The following TTC7B variants were observed in gnomAD, a reference collection of about 807,000 sequenced individuals.
TTC7B encodes the protein tetratricopeptide repeat protein 7B.
Under a neutral mutation model 106.8 loss-of-function variants are expected in TTC7B, and 28 were observed. That is an observed-to-expected ratio of 0.26 (90% confidence interval 0.19 to 0.36). TTC7B has a LOEUF of 0.36. TTC7B is among the 10% of genes least tolerant of loss of function. The pLI is 1.00. For missense variants in TTC7B, 862 were observed against 1,076.4 expected, an observed-to-expected ratio of 0.80 and a Z score of 2.79; for synonymous variants, 405 against 430.6, an observed-to-expected ratio of 0.94 and a Z score of 0.74.
Position 90,577,954 on chromosome 14 carries a change from G to T in TTC7B, c.2310+152C>A. ...TTGCATAAACTATGGTAGAAACGGT[G>T]CCCTCTGGCTTCAGGCCATGTGACA... On this transcript the variant is annotated intron_variant, in intron 19 of 19. Transcript: ENST00000328459. This position sits in a 1 kb window ranked among gnomAD's most constrained non-coding sequence, Gnocchi z 5.0. The T allele has an allele frequency of 1.1e-6, 1 of 948,908 alleles. No individual in the cohort carries two copies. The highest frequency in any genetic ancestry group is 1.6e-6 in the Non-Finnish European group (1 of 638,204). The allele number at this position is 948,908 out of a possible 1,614,324, so 58.8% of individuals were successfully genotyped here.
intron 19 of TTC7B, among the ~76,000 whole-genome samples, chr14:90,563,160 A>G (rs1890656895): frequency 6.6e-6 from 1 of 152,172 alleles, no homozygotes; most frequent in Non-Finnish European, 1.5e-5. Flanking sequence ...ATCCCATTTA[A>G]TCCCTCCAAC....
intron 17 of TTC7B, among the ~76,000 whole-genome samples, chr14:90,606,492 A>G (rs992164029): frequency 2.6e-5 from 4 of 152,206 alleles, no homozygotes; most frequent in Admixed American, 6.5e-5. Context: ...CTTACCCCAC[A>G]TCCTGTTTTA....
chr14:90,537,372 A>AGGCG lies in TTC7B; in HGVS notation c.*3995_*3996insCGCC, dbSNP rs1311088772. On this transcript the variant is annotated 3_prime_UTR_variant, in exon 20 of 20. Coordinates refer to ENST00000328459, the MANE Select transcript of TTC7B (RefSeq NM_001010854.2). Reference sequence around the variant, plus strand: ...TGGCTATTTTTTTTTTTTTGTAGAGATGGGGGGGGGGTCTCACCATGTTGC... The same window carrying AGGCG: ...TGGCTATTTTTTTTTTTTTGTAGAGAGGCGTGGGGGGGGGGTCTCACCATGTTGC... 6.4e-5 allele frequency: 2 copies of AGGCG among 31,348 alleles called. No individual in the cohort carries two copies. Among genetic ancestry groups the AGGCG allele is most frequent in the African/African-American group, 1.2e-4 (1 of 8,110 alleles). 1.9% of individuals were successfully genotyped at this position (31,348 alleles called of 1,614,324 possible).
At chr14:90,639,500 C>T (rs1235741446) in intron 15 of TTC7B, among the ~76,000 whole-genome samples, 2 of 152,166 alleles carry the variant, frequency 1.3e-5, no homozygotes, top group Non-Finnish European at 2.9e-5. Context: ...CATCATTAAC[C>T]AGCAACCATT....
At chr14:90,591,951 GAAC>G (rs1318969331) in intron 18 of TTC7B, among the ~76,000 whole-genome samples, 1 of 152,214 alleles carries the variant, frequency 6.6e-6, no homozygotes, top group Non-Finnish European at 1.5e-5. Flanking sequence ...CAGCAGAGAA[GAAC>G]AACTGTGAAT....
At chr14:90,806,470 C>A (rs971837100) in intron 1 of TTC7B, among the ~76,000 whole-genome samples, 1 of 152,234 alleles carries the variant, frequency 6.6e-6, no homozygotes, top group Non-Finnish European at 1.5e-5. Context: ...CCCCCTGCAC[C>A]CTTTGCAAAG....
chr14:90,607,817 A>C (rs760389179), intron 17 of TTC7B, among the ~76,000 whole-genome samples: 2 of 152,234 alleles, frequency 1.3e-5, no homozygotes, highest in Non-Finnish European at 2.9e-5. Flanking sequence ...GCAGGTGCTC[A>C]AAAGCATACA....
chr14:90,799,627 C>T (rs75967437), intron 1 of TTC7B, among the ~76,000 whole-genome samples: 2,330 of 152,114 alleles, frequency 0.015, 24 homozygotes, highest in African/African-American at 0.026. Context: ...CCTGGAAAGG[C>T]CCCGAGGTGT....
At chr14:90,724,179 A>G (rs1290961408) in intron 5 of TTC7B, among the ~76,000 whole-genome samples, 2 of 152,202 alleles carry the variant, frequency 1.3e-5, no homozygotes, top group Non-Finnish European at 2.9e-5. Flanking sequence ...CCCTTCCAGC[A>G]GAGCAGTGCT....
At chr14:90,582,154 A>T (rs1254168437) in intron 18 of TTC7B, among the ~76,000 whole-genome samples, 1 of 152,200 alleles carries the variant, frequency 6.6e-6, no homozygotes, top group Non-Finnish European at 1.5e-5. Flanking sequence ...TTCCAAAGGG[A>T]TCTTACCCCA....
intron 3 of TTC7B, among the ~76,000 whole-genome samples, chr14:90,760,940 C>T (rs1005362280): frequency 6.6e-6 from 1 of 152,224 alleles, no homozygotes; most frequent in South Asian, 2.1e-4. Context: ...TTCAACCAAT[C>T]CAGTATCTTC....
In TTC7B at chr14:90,578,362, C is replaced by A. The variant is rs189049216; in HGVS notation, c.2108-54G>T. The A allele has an allele frequency of 3.2e-6, 5 of 1,553,972 alleles. No homozygotes were observed. The highest frequency in any genetic ancestry group is 1.9e-5 in the Admixed American group (1 of 53,664). On this transcript the variant is annotated intron_variant, in intron 18 of 19. Coordinates refer to ENST00000328459, the MANE Select transcript of TTC7B (RefSeq NM_001010854.2). This position sits in a 1 kb window ranked among gnomAD's most constrained non-coding sequence, Gnocchi z 4.7. ...TTCCTGGTGCCCCTCTGAGGCCCTG[C>A]GAGCAGCCACCACTCTGATGTTCGT...
chr14:90,548,943 C>T lies in TTC7B; in HGVS notation c.2311-7354G>A, dbSNP rs1048486076. On this transcript the variant is annotated intron_variant, in intron 19 of 19. Transcript: ENST00000328459. ...GAGATCGAGACCATCCTGGCTAACA[C>T]GGTGAAACCCTGTCTCTACTAAAAA... Among the ~76,000 whole-genome samples, 8 of 152,040 alleles carry T rather than the reference C, an allele frequency of 5.3e-5. 1 individual carries two copies. The highest frequency in any genetic ancestry group is 4.6e-4 in the Admixed American group (7 of 15,282).
intron 18 of TTC7B, among the ~76,000 whole-genome samples, chr14:90,582,309 C>T (rs373562986): frequency 1.3e-5 from 2 of 152,228 alleles, no homozygotes; most frequent in East Asian, 3.8e-4. Context: ...TGGTTCTTGG[C>T]CCTGCGCCTC....
intron 3 of TTC7B, among the ~76,000 whole-genome samples, chr14:90,750,851 T>G (rs903054169): frequency 1.3e-5 from 2 of 152,234 alleles, no homozygotes; most frequent in Non-Finnish European, 2.9e-5. Context: ...TTTATCACAG[T>G]GAGTTTGTGC....
At position 90,534,656 on chromosome 14, in the gene TTC7B, G is replaced by A. The variant is rs929201643; in HGVS notation, c.*6712C>T. 6.6e-6 allele frequency: 1 copy of A among 152,464 alleles called. No individual in the cohort carries two copies. The highest frequency in any genetic ancestry group is 2.4e-5 in the African/African-American group (1 of 41,464). 9.4% of individuals were successfully genotyped at this position (152,464 alleles called of 1,614,324 possible). ...GAGGGGGCCGAGTGGCAGGGGCCGA[G>A]CGCTGGGAGGGTATGGGGGCATTGG... On this transcript the variant is annotated 3_prime_UTR_variant, in exon 20 of 20. Transcript: ENST00000328459.
intron 3 of TTC7B, among the ~76,000 whole-genome samples, chr14:90,760,608 T>C (rs1295062668): frequency 6.6e-6 from 1 of 152,240 alleles, no homozygotes; most frequent in African/African-American, 2.4e-5. Context: ...ATTTCAGGCA[T>C]TGTAAACCCC....
chr14:90,732,947 T>C (rs1008272203), intron 4 of TTC7B, among the ~76,000 whole-genome samples: 1 of 152,170 alleles, frequency 6.6e-6, no homozygotes, highest in Non-Finnish European at 1.5e-5. Context: ...GCCCACAGCA[T>C]CCTTTCCTAT....
rs1253563500 is a variant in TTC7B, at chr14:90,541,168, G to C, written c.*200C>G. The C allele has an allele frequency of 4.1e-6, 2 of 489,578 alleles. No individual in the cohort carries two copies. Among genetic ancestry groups the C allele is most frequent in the Non-Finnish European group, 7.3e-6 (2 of 275,658 alleles). 30.3% of individuals were successfully genotyped at this position (489,578 alleles called of 1,614,324 possible). On this transcript the variant is annotated 3_prime_UTR_variant, in exon 20 of 20. Transcript: ENST00000328459. ...GTCAATAGGTTCAGAAACTACCATTGGGCTGGCAAAAAAAACAAGAGAAAC... is the reference window on the plus strand; with the variant it reads ...GTCAATAGGTTCAGAAACTACCATTCGGCTGGCAAAAAAAACAAGAGAAAC...
Sources: gnomAD v4.1 joint callset for allele counts (sites outside exome capture counted in the v4.1 genomes callset) on GRCh38, gnomAD v4.1.1 for gene constraint, Gnocchi (gnomAD v3.1) non-coding constraint, MANE v1.5 for transcripts, NCBI Gene and HGNC (gene_info 2026-07-23, HGNC 2026-07-21) for gene names.